Variants in ARSB observed in about 807,000 individuals in gnomAD.
ARSB encodes arylsulfatase B.
Under a neutral mutation model 50.9 loss-of-function variants are expected in ARSB, and 41 were observed. That is an observed-to-expected ratio of 0.81 (90% CI 0.63 to 1.04). The LOEUF (loss-of-function observed/expected upper bound fraction) is 1.04, where lower values mean the gene tolerates loss of function less well. ARSB is among the 50% of genes least tolerant of loss of function. The probability of loss-of-function intolerance (pLI) is 0.00; values close to 1 mark genes in which losing one functional copy is unlikely to be tolerated. For synonymous variants in ARSB, 269 were observed against 284.8 expected, an observed-to-expected ratio of 0.94 and a Z score of 0.56; for missense variants, 672 against 693.3, an observed-to-expected ratio of 0.97 and a Z score of 0.35.
chr5:78,844,272 A>T (rs545528201), intron 5 of ARSB, among the ~76,000 whole-genome samples: 2 of 152,182 alleles, frequency 1.3e-5, no homozygotes, highest in Non-Finnish European at 2.9e-5. Context: ...TTGCGATTTG[A>T]TTTGCATTTT....
At chr5:78,819,396 A>G (rs527852133) in intron 6 of ARSB, among the ~76,000 whole-genome samples, 1 of 152,300 alleles carries the variant, frequency 6.6e-6, no homozygotes, top group South Asian at 2.1e-4. Context: ...AGACAAAAAG[A>G]CTGTGGGTGG....
At chr5:78,931,022 T>C (rs1271884382) in intron 4 of ARSB, among the ~76,000 whole-genome samples, 2 of 152,204 alleles carry the variant, frequency 1.3e-5, no homozygotes, top group Non-Finnish European at 2.9e-5. Context: ...ACAGTAATCT[T>C]TGTATAACCC....
At chr5:78,975,407 C>T (rs530668205) in intron 1 of ARSB, among the ~76,000 whole-genome samples, 8 of 152,194 alleles carry the variant, frequency 5.3e-5, no homozygotes, top group Non-Finnish European at 7.3e-5. Flanking sequence ...TCCAAGGTTC[C>T]GCCTCAGGGG....
intron 6 of ARSB, among the ~76,000 whole-genome samples, chr5:78,785,857 A>G (rs2112624385): frequency 6.6e-6 from 1 of 152,364 alleles, no homozygotes; most frequent in South Asian, 2.1e-4. Context: ...GAGTTCATAA[A>G]TGCAAGGAGT....
chr5:78,966,169 G>C (rs530692299), intron 2 of ARSB, among the ~76,000 whole-genome samples: 14 of 152,268 alleles, frequency 9.2e-5, no homozygotes, highest in African/African-American at 3.4e-4. Context: ...CATTAGCAAA[G>C]GCATGAACTA....
chr5:78,880,573 A>T (rs1747700287), intron 5 of ARSB, among the ~76,000 whole-genome samples: 1 of 152,218 alleles, frequency 6.6e-6, no homozygotes, highest in South Asian at 2.1e-4. Context: ...CTCCTACTCC[A>T]AGCCAAACCG....
chr5:78,873,640 C>T (rs187325342), intron 5 of ARSB, among the ~76,000 whole-genome samples: 2,257 of 148,960 alleles, frequency 0.015, 26 homozygotes, highest in Admixed American at 0.023. Context: ...GGACTACAGG[C>T]GCCCGCCACT....
At chr5:78,948,235 AG>A (rs1364971561) in intron 4 of ARSB, among the ~76,000 whole-genome samples, 1 of 152,200 alleles carries the variant, frequency 6.6e-6, no homozygotes, top group East Asian at 1.9e-4. Flanking sequence ...ATAACACAAT[AG>A]GGTGACTACA....
rs368030435 is a variant in ARSB, at chr5:78,841,168, C to CTACTAATAATAATAATAATAATAATAA, written c.1143-1743_1143-1742insTTATTATTATTATTATTATTATTAGTA. Reference sequence around the variant, plus strand: ...ACTACTACTACTACTACTACTACTACTAATAATAATAATAATTTGAGCATG... The same window carrying CTACTAATAATAATAATAATAATAATAA: ...ACTACTACTACTACTACTACTACTACTACTAATAATAATAATAATAATAATAATAATAATAATAATAATTTGAGCATG... On this transcript the variant is annotated intron_variant, in intron 5 of 7. Transcript: ENST00000264914. 4.2e-3 allele frequency among the ~76,000 whole-genome samples: 559 copies of CTACTAATAATAATAATAATAATAATAA among 131,990 alleles called. 4 individuals carry two copies. Among genetic ancestry groups the CTACTAATAATAATAATAATAATAATAA allele is most frequent in the Middle Eastern group, 0.015 (4 of 262 alleles). 86.6% of individuals were successfully genotyped at this position (131,990 alleles called of 152,430 possible).
At chr5:78,852,199 C>T (rs995317114) in intron 5 of ARSB, among the ~76,000 whole-genome samples, 11 of 152,162 alleles carry the variant, frequency 7.2e-5, no homozygotes, top group African/African-American at 9.7e-5. Context: ...CGGCTGGTAC[C>T]GATTGTTCCT....
intron 4 of ARSB, among the ~76,000 whole-genome samples, chr5:78,932,061 T>C (rs755228703): frequency 2.6e-5 from 4 of 152,208 alleles, no homozygotes; most frequent in Non-Finnish European, 5.9e-5. Context: ...TATTTCTTTA[T>C]AGCAGTGTGA....
At chr5:78,784,438 G>T (rs750310058) in intron 6 of ARSB, among the ~76,000 whole-genome samples, 12 of 152,150 alleles carry the variant, frequency 7.9e-5, no homozygotes, top group African/African-American at 2.7e-4. Context: ...ATCAATAGAT[G>T]AATGGATAAA....
chr5:78,803,325 C>T (rs945615687), intron 6 of ARSB, among the ~76,000 whole-genome samples: 1 of 152,182 alleles, frequency 6.6e-6, no homozygotes, highest in African/African-American at 2.4e-5. Context: ...TAAATTAGCC[C>T]GTCAGTTCCC....
rs1029378574 is a variant in ARSB at position 78,954,708 on chromosome 5, T to C, written c.898+587A>G. Among the ~76,000 whole-genome samples, 50 of 152,280 alleles carry C rather than the reference T, an allele frequency of 3.3e-4. 1 individual carries two copies. The highest frequency in any genetic ancestry group is 1.2e-3 in the African/African-American group (48 of 41,562). Reference sequence around the variant, plus strand: ...TTAGTAGAGAAGAGGTTTCACCATATTGGTCAGGCTGGTCTCGAACTCCTG... The same window carrying C: ...TTAGTAGAGAAGAGGTTTCACCATACTGGTCAGGCTGGTCTCGAACTCCTG... On this transcript the variant is annotated intron_variant, in intron 4 of 7. Coordinates refer to ENST00000264914, the MANE Select transcript of ARSB (RefSeq NM_000046.5).
chr5:78,876,393 T>A (rs1747483954), intron 5 of ARSB, among the ~76,000 whole-genome samples: 1 of 152,214 alleles, frequency 6.6e-6, no homozygotes, highest in African/African-American at 2.4e-5. Flanking sequence ...AAATTAGATT[T>A]ACTTAACCCT....
At chr5:78,881,307 G>C (rs1400459578) in intron 5 of ARSB, among the ~76,000 whole-genome samples, 2 of 151,790 alleles carry the variant, frequency 1.3e-5, no homozygotes, top group African/African-American at 4.8e-5. Context: ...TAGATATTTA[G>C]CACATTTGAA....
intron 1 of ARSB, among the ~76,000 whole-genome samples, chr5:78,974,052 G>A (rs1016507122): frequency 1.3e-5 from 2 of 152,144 alleles, no homozygotes; most frequent in African/African-American, 4.8e-5. Context: ...CCTGTGCCTC[G>A]GCCAGTACAC....
At chr5:78,943,591 T>C (rs1413906971) in intron 4 of ARSB, among the ~76,000 whole-genome samples, 2 of 152,380 alleles carry the variant, frequency 1.3e-5, no homozygotes, top group East Asian at 1.9e-4. Context: ...TCTTTAAGAA[T>C]GTTGAATATT....
At chr5:78,836,876 T>C (rs746646861) in intron 6 of ARSB, among the ~76,000 whole-genome samples, 2 of 152,098 alleles carry the variant, frequency 1.3e-5, no homozygotes, top group Non-Finnish European at 2.9e-5. Flanking sequence ...CTTACAATCA[T>C]GACAGAAGGT....
Sources: gnomAD v4.1 joint callset for allele counts (sites outside exome capture counted in the v4.1 genomes callset) on GRCh38, gnomAD v4.1.1 for gene constraint, MANE v1.5 for transcripts, NCBI Gene and HGNC (gene_info 2026-07-23, HGNC 2026-07-21) for gene names.